The following TPR variants were observed in gnomAD, a reference collection of about 807,000 sequenced individuals.
The protein encoded by TPR is nucleoprotein TPR.
Under a neutral mutation model 316.1 loss-of-function variants are expected in TPR, and 51 were observed. The observed-to-expected ratio is 0.16, with a 90% confidence interval of 0.13 to 0.20. The LOEUF (loss-of-function observed/expected upper bound fraction) is 0.20. Ranked by LOEUF, TPR falls within the 10% of genes least tolerant of loss-of-function variation. The pLI is 1.00. For synonymous variants in TPR, 981 were observed against 914.7 expected (o/e 1.07, Z -1.31); for missense variants, 2,272 against 2,754.8 (o/e 0.82, Z 3.92).
At chr1:186,314,970 C>T (rs922615275) in intron 49 of TPR, among the ~76,000 whole-genome samples, 1 of 151,850 alleles carries the variant, frequency 6.6e-6, no homozygotes, top group African/African-American at 2.4e-5. Flanking sequence ...AGTTCGAGAC[C>T]AGCCTGGGCA....
intron 2 of TPR, among the ~76,000 whole-genome samples, chr1:186,372,183 T>A (rs1254717480): frequency 2.0e-5 from 3 of 152,242 alleles, no homozygotes; most frequent in African/African-American, 4.8e-5. Context: ...AAGCTGCAAT[T>A]TTAATCATTT....
Position 186,331,456 on chromosome 1 carries a change from C to T in TPR, c.5688+42G>A, listed in dbSNP as rs766795298. On this transcript the variant is annotated intron_variant, in intron 39 of 50. Coordinates refer to ENST00000367478, the MANE Select transcript of TPR (RefSeq NM_003292.3). The stretch of plus-strand genomic sequence containing the variant: ...AATTTGTCAAAGCTAATTTCATTCA[C>T]GAAAAGCAACGGTGTGGTACTTTAG... 1.5e-5 allele frequency: 21 copies of T among 1,420,398 alleles called. 1 individual carries two copies. In the Admixed American group the frequency reaches 2.1e-4, roughly 14 times the overall value. 88.0% of individuals were successfully genotyped at this position (1,420,398 alleles called of 1,614,324 possible). A position where few individuals can be genotyped will look rare whatever the true frequency, so the allele number is the denominator to read the frequency against.
chr1:186,333,528 G>C, intron 36 of TPR, 134 bp from the exon 37 acceptor site: 1 of 1,055,526 alleles, frequency 9.5e-7, no homozygotes, highest in Non-Finnish European at 1.3e-6. Context: ...GTAGGTAAAG[G>C]TAATGTATTA....
chr1:186,353,523 C>T (rs1658935682), intron 18 of TPR, among the ~76,000 whole-genome samples, 165 bp downstream of exon 18: 2 of 152,206 alleles, frequency 1.3e-5, no homozygotes, highest in Admixed American at 6.5e-5. Flanking sequence ...ACAATCACCC[C>T]ACTAACGCAC....
rs776486674 is a variant in TPR at position 186,353,864 on chromosome 1, A to G, written c.2172-14T>C. ...AGCATTTCATAACTGGTATGAAAAA[A>G]GTAATTCTACAAGTAACTGAAATGA... On this transcript the variant is annotated splice_polypyrimidine_tract_variant and intron_variant, in intron 17 of 50. Transcript: ENST00000367478. 4.3e-6 allele frequency: 7 copies of G among 1,609,476 alleles called. No individual in the cohort carries two copies. The highest frequency in any genetic ancestry group is 5.9e-6 in the Non-Finnish European group (7 of 1,178,648).
Position 186,332,248 on chromosome 1 carries a change from C to G in TPR, c.5551G>C (p.Val1851Leu). The change falls in exon 38 of 51, where the codon GTG becomes CTG. Residue 1851 changes from valine (V) to leucine (L), a missense_variant. Transcript: ENST00000367478. Reference sequence around the variant, plus strand: ...AACTTCTTTGGAAGAGGCATTTCCACTGTATCATCAGAGACTTGGTCTGAT... The same window carrying G: ...AACTTCTTTGGAAGAGGCATTTCCAGTGTATCATCAGAGACTTGGTCTGAT... ...EASDQVSDDT[V>L]EMPLPKKLKS... is the part of the protein sequence containing the mutation. The G allele has an allele frequency of 6.2e-7, 1 of 1,612,634 alleles. No homozygotes were observed. The highest frequency in any genetic ancestry group is 8.5e-7 in the Non-Finnish European group (1 of 1,179,334).
At chr1:186,342,856 T>A (rs1328068233) in intron 27 of TPR, 1 of 152,258 alleles carries the variant, frequency 6.6e-6, no homozygotes, top group African/African-American at 2.4e-5. Context: ...TTTACTACTT[T>A]TTGCTCCTTG....
intron 30 of TPR, 40 bp downstream of exon 30, chr1:186,339,602 C>A (rs1658446204): frequency 1.4e-6 from 2 of 1,421,512 alleles, no homozygotes; most frequent in South Asian, 1.7e-5. Flanking sequence ...AAATAAACTT[C>A]TTTTATATTA....
intron 49 of TPR, among the ~76,000 whole-genome samples, chr1:186,315,295 T>C (rs1055026701): frequency 7.3e-5 from 11 of 150,606 alleles, no homozygotes; most frequent in Non-Finnish European, 1.0e-4. Flanking sequence ...CTTATATTAA[T>C]AAATATTTAC....
Position 186,346,406 on chromosome 1 carries a change from A to G in TPR, c.2944-119T>C. 17 of 1,053,848 alleles carry G rather than the reference A, an allele frequency of 1.6e-5. No individual in the cohort carries two copies. The South Asian group carries it at 2.5e-4, about 16-fold the overall frequency. The allele number at this position is 1,053,848 out of a possible 1,614,324, so 65.3% of individuals were successfully genotyped here. Reference sequence around the variant, plus strand: ...TAAAATTAATGTTTGTTGTATATTAAAAAAAGAATCCATCAAAGGTGATTA... The same window carrying G: ...TAAAATTAATGTTTGTTGTATATTAGAAAAAGAATCCATCAAAGGTGATTA... On this transcript the variant is annotated intron_variant, in intron 22 of 50. Transcript: ENST00000367478.
chr1:186,373,538 C>T, intron 1 of TPR, 75 bp from the exon 2 acceptor site: 1 of 822,508 alleles, frequency 1.2e-6, no homozygotes, highest in Non-Finnish European at 1.9e-6. Context: ...TTATTTATTT[C>T]TAATAACCTT....
chr1:186,349,378 G>A (rs961196295), intron 21 of TPR, among the ~76,000 whole-genome samples: 2 of 152,134 alleles, frequency 1.3e-5, no homozygotes, highest in Non-Finnish European at 1.5e-5. Flanking sequence ...AACTGGCTGG[G>A]CGCTGTGGCT....
intron 12 of TPR, 60 bp downstream of exon 12, chr1:186,359,739 C>A: frequency 6.6e-7 from 1 of 1,505,258 alleles, no homozygotes; most frequent in South Asian, 1.3e-5. Flanking sequence ...AAAAAAATAC[C>A]TAGTAAATCA....
intron 39 of TPR, 147 bp from the exon 40 acceptor site, chr1:186,327,807 GTC>G: frequency 1.4e-6 from 1 of 703,080 alleles, no homozygotes; most frequent in South Asian, 2.1e-5. Context: ...TTTTGAGACA[GTC>G]TCGCTCTTGT....
chr1:186,347,421 C>T lies in TPR; in HGVS notation c.2814G>A (p.Val938=), dbSNP rs1460564606. The change falls in exon 22 of 51, where the codon GTG becomes GTA. Residue 938 remains valine, a synonymous_variant. Coordinates refer to ENST00000367478, the MANE Select transcript of TPR (RefSeq NM_003292.3). ...PSNKEDVDDL[V]SQLRQTEEQV... ...GCTCTTCTGTCTGTCTTAGCTGACT[C>T]ACAAGATCATCCACATCTTCTTTGT... The T allele has an allele frequency of 1.9e-6, 3 of 1,614,006 alleles. No individual in the cohort carries two copies. Among genetic ancestry groups the T allele is most frequent in the Non-Finnish European group, 2.5e-6 (3 of 1,179,972 alleles).
chr1:186,330,465 C>A (rs932656706), intron 39 of TPR, among the ~76,000 whole-genome samples: 4 of 152,068 alleles, frequency 2.6e-5, no homozygotes, highest in Non-Finnish European at 5.9e-5. Context: ...TCACTCTTCA[C>A]GTAAAGAGCC....
chr1:186,374,385 G>T (rs1467437895), intron 1 of TPR, among the ~76,000 whole-genome samples: 4 of 152,084 alleles, frequency 2.6e-5, no homozygotes, highest in East Asian at 3.9e-4. Context: ...TGTTTCCAGC[G>T]CTCTTATGCA....
At chr1:186,344,197 G>C (rs1658606621) in intron 25 of TPR, 107 bp from the exon 26 acceptor site, 2 of 1,407,982 alleles carry the variant, frequency 1.4e-6, no homozygotes, top group African/African-American at 2.9e-5. Flanking sequence ...CTACTTGGGA[G>C]GCTGAGGCAG....
chr1:186,343,215 A>T, intron 27 of TPR, 111 bp downstream of exon 27: 1 of 1,363,866 alleles, frequency 7.3e-7, no homozygotes, highest in East Asian at 2.3e-5. Flanking sequence ...TTACAAGTTT[A>T]GAAGAATGCT....
Sources: gnomAD v4.1 joint callset for allele counts (sites outside exome capture counted in the v4.1 genomes callset) on GRCh38, gnomAD v4.1.1 for gene constraint, MANE v1.5 for transcripts, NCBI Gene and HGNC (gene_info 2026-07-23, HGNC 2026-07-21) for gene names.